MYO3B: variants seen among roughly 807,000 people sequenced by gnomAD.
The protein encoded by MYO3B is myosin-IIIb.
In MYO3B, 156 loss-of-function variants were observed where a neutral mutation model predicts 174.6. That is an observed-to-expected ratio of 0.89 (90% CI 0.78 to 1.02). The LOEUF is 1.02. Among genes scored for constraint, MYO3B ranks in the 50% least tolerant of loss-of-function variants. The pLI is 0.00. For missense variants in MYO3B, 1,632 were observed against 1,639.4 expected (o/e 1.00, Z 0.08); for synonymous variants, 563 against 569.1 (o/e 0.99, Z 0.15).
chr2:170,370,957 G>A (rs1247892667), intron 9 of MYO3B, among the ~76,000 whole-genome samples: 1 of 149,702 alleles, frequency 6.7e-6, no homozygotes, highest in Non-Finnish European at 1.5e-5. Context: ...GGTGGCTCAC[G>A]CCTGTAATCC....
intron 7 of MYO3B, among the ~76,000 whole-genome samples, chr2:170,299,760 C>G (rs1336505977): frequency 6.6e-6 from 1 of 152,168 alleles, no homozygotes; most frequent in African/African-American, 2.4e-5. Context: ...GAAATAAACC[C>G]AATTCTTAGA....
At chr2:170,305,985 T>C (rs1335918744) in intron 7 of MYO3B, among the ~76,000 whole-genome samples, 1 of 152,188 alleles carries the variant, frequency 6.6e-6, no homozygotes, top group African/African-American at 2.4e-5. Flanking sequence ...GTAATTCTTT[T>C]ATTTTACATG....
intron 32 of MYO3B, among the ~76,000 whole-genome samples, chr2:170,567,528 A>G (rs1222612075): frequency 6.6e-6 from 1 of 152,250 alleles, no homozygotes; most frequent in African/African-American, 2.4e-5. Flanking sequence ...GAAAGTTAAC[A>G]GGACACAAAA....
At chr2:170,222,801 C>T (rs1348751883) in intron 6 of MYO3B, among the ~76,000 whole-genome samples, 1 of 152,124 alleles carries the variant, frequency 6.6e-6, no homozygotes, top group Non-Finnish European at 1.5e-5. Context: ...AACAAGCTCC[C>T]AAATACTAAT....
intron 29 of MYO3B, 95 bp from the exon 30 acceptor site, chr2:170,519,343 A>G: frequency 3.5e-6 from 3 of 855,496 alleles, no homozygotes; most frequent in East Asian, 2.6e-5. Context: ...GTATGAGGGC[A>G]GGGAGAGAAG....
chr2:170,542,883 T>G, intron 30 of MYO3B, 23 bp from the exon 31 acceptor site: 1 of 1,560,324 alleles, frequency 6.4e-7, no homozygotes. Flanking sequence ...CTTTTAAAAT[T>G]ATTATTATTG....
At chr2:170,627,739 C>G (rs1696576896) in intron 32 of MYO3B, among the ~76,000 whole-genome samples, 1 of 152,176 alleles carries the variant, frequency 6.6e-6, no homozygotes, top group Non-Finnish European at 1.5e-5. Flanking sequence ...GTGTGGATGT[C>G]CTTTCTGTTT....
intron 30 of MYO3B, among the ~76,000 whole-genome samples, chr2:170,534,481 T>TCAACTCCA (rs1331350461): frequency 2.6e-5 from 4 of 152,182 alleles, no homozygotes; most frequent in African/African-American, 9.6e-5. Context: ...GGCCTCACTC[T>TCAACTCCA]GTCACCCAGG....
At chr2:170,569,526 T>TG (rs1692293474) in intron 32 of MYO3B, among the ~76,000 whole-genome samples, 2 of 151,698 alleles carry the variant, frequency 1.3e-5, no homozygotes, top group Non-Finnish European at 2.9e-5. Context: ...GAGTTTTTTT[T>TG]TTTTTTTTTT....
chr2:170,180,224 CA>C (rs574135153), intron 1 of MYO3B: 296 of 431,230 alleles, frequency 6.9e-4, no homozygotes, highest in African/African-American at 5.7e-3. Flanking sequence ...GGGTATTCAA[CA>C]AGGGATCAGA....
At chr2:170,376,906 G>A (rs2094297568) in intron 9 of MYO3B, among the ~76,000 whole-genome samples, 1 of 152,178 alleles carries the variant, frequency 6.6e-6, no homozygotes, top group Non-Finnish European at 1.5e-5. Context: ...TCCTTCTCAT[G>A]TTTGAGTTAT....
chr2:170,632,800 A>G (rs79689792), intron 32 of MYO3B, among the ~76,000 whole-genome samples: 3,618 of 150,410 alleles, frequency 0.024, 174 homozygotes, highest in East Asian at 0.15. Flanking sequence ...GATAAACGGC[A>G]TATCACCACT....
intron 7 of MYO3B, among the ~76,000 whole-genome samples, chr2:170,326,890 G>A (rs1010673945): frequency 1.3e-5 from 2 of 152,198 alleles, no homozygotes; most frequent in African/African-American, 4.8e-5. Context: ...ATTCTGGGAT[G>A]GCCTTTGAAG....
chr2:170,449,492 T>C (rs182229256), intron 23 of MYO3B, among the ~76,000 whole-genome samples: 8 of 152,304 alleles, frequency 5.3e-5, no homozygotes, highest in African/African-American at 1.7e-4. Context: ...AAAAAAGTTT[T>C]CTTGGCTGAA....
intron 20 of MYO3B, 148 bp from the exon 21 acceptor site, chr2:170,405,397 A>G (rs2094503488): frequency 1.1e-5 from 7 of 650,422 alleles, no homozygotes. Flanking sequence ...AATGCCCATC[A>G]TATCGGTGAT....
intron 7 of MYO3B, among the ~76,000 whole-genome samples, chr2:170,322,672 C>G (rs973974833): frequency 2.6e-5 from 4 of 151,666 alleles, no homozygotes; most frequent in African/African-American, 9.8e-5. Context: ...TTGTTGATAA[C>G]CAGTCTTCCT....
intron 7 of MYO3B, among the ~76,000 whole-genome samples, chr2:170,318,574 C>A (rs562678643): frequency 6.6e-6 from 1 of 152,006 alleles, no homozygotes; most frequent in South Asian, 2.1e-4. Flanking sequence ...TGGTCTCAAG[C>A]GAAATTTCCT....
chr2:170,469,116 A>T (rs1234492119), intron 25 of MYO3B, among the ~76,000 whole-genome samples: 1 of 152,152 alleles, frequency 6.6e-6, no homozygotes, highest in Non-Finnish European at 1.5e-5. Flanking sequence ...AGCCAGGGCG[A>T]CGGAGTGAGA....
At chr2:170,458,036 G>A (rs1465102522) in intron 23 of MYO3B, among the ~76,000 whole-genome samples, 1 of 152,202 alleles carries the variant, frequency 6.6e-6, no homozygotes, top group Non-Finnish European at 1.5e-5. Flanking sequence ...TTACAGGCAT[G>A]AGCTATCGCA....
Sources: allele counts gnomAD v4.1 joint callset (sites outside exome capture counted in the v4.1 genomes callset), GRCh38; gene constraint gnomAD v4.1.1; transcripts MANE v1.5; gene names NCBI Gene and HGNC (gene_info 2026-07-23, HGNC 2026-07-21).